RBFOX1: variants seen among roughly 807,000 people sequenced by gnomAD.
The protein encoded by RBFOX1 is RNA binding fox-1 homolog 1.
In RBFOX1, 8 loss-of-function variants were observed where a neutral mutation model predicts 57.7. The observed-to-expected ratio is 0.14, with a 90% CI of 0.08 to 0.25. The LOEUF is 0.25. RBFOX1 is among the 10% of genes least tolerant of loss of function. RBFOX1 has a pLI of 1.00. For missense variants in RBFOX1, 611 were observed against 548.5 expected (o/e 1.11, Z -1.14); for synonymous variants, 326 against 222.4 (o/e 1.47, Z -4.15).
intron 1 of RBFOX1, among the ~76,000 whole-genome samples, chr16:6,113,566 G>A (rs533497299): frequency 3.9e-5 from 6 of 152,292 alleles, no homozygotes; most frequent in Admixed American, 6.5e-5. Context: ...TTGAAGCAAA[G>A]GCAGAAATTG....
intron 3 of RBFOX1, among the ~76,000 whole-genome samples, chr16:6,904,671 C>G (rs994967487): frequency 6.9e-6 from 1 of 144,398 alleles, no homozygotes; most frequent in Non-Finnish European, 1.5e-5. Context: ...TACCTGAGGA[C>G]TGTTTGGGGA....
intron 4 of RBFOX1, among the ~76,000 whole-genome samples, chr16:7,195,827 A>G (rs560979531): frequency 1.3e-5 from 2 of 152,208 alleles, no homozygotes; most frequent in African/African-American, 4.8e-5. Context: ...TGCTGGGGTT[A>G]CAGGCATGAA....
At chr16:6,812,921 G>A (rs936073647) in intron 3 of RBFOX1, among the ~76,000 whole-genome samples, 1 of 152,128 alleles carries the variant, frequency 6.6e-6, no homozygotes, top group Non-Finnish European at 1.5e-5. Context: ...AGAGGTCATT[G>A]CTGTCTTTCT....
chr16:6,909,719 G>C (rs1299029363), intron 3 of RBFOX1, among the ~76,000 whole-genome samples: 4 of 152,182 alleles, frequency 2.6e-5, no homozygotes, highest in Non-Finnish European at 4.4e-5. Flanking sequence ...AGTCGTGGCA[G>C]TCACAATGAC....
intron 9 of RBFOX1, among the ~76,000 whole-genome samples, chr16:7,600,598 GC>G (rs763571239): frequency 4.6e-5 from 7 of 152,138 alleles, no homozygotes; most frequent in African/African-American, 9.7e-5. Flanking sequence ...TTCTCACAAA[GC>G]ATAGAAATTG....
At chr16:7,419,157 C>T (rs910071122) in intron 4 of RBFOX1, among the ~76,000 whole-genome samples, 2 of 152,190 alleles carry the variant, frequency 1.3e-5, no homozygotes, top group African/African-American at 2.4e-5. Flanking sequence ...GTTCACCCAC[C>T]GTGGCCTCCC....
chr16:6,269,932 T>A (rs2152669459), intron 1 of RBFOX1, among the ~76,000 whole-genome samples: 1 of 152,064 alleles, frequency 6.6e-6, no homozygotes, highest in East Asian at 1.9e-4. Flanking sequence ...TTTAAGACAA[T>A]TATATTTTAA....
At chr16:5,897,360 G>A (rs991835325) in intron 4 of RBFOX1, among the ~76,000 whole-genome samples, 1 of 151,798 alleles carries the variant, frequency 6.6e-6, no homozygotes, top group Admixed American at 6.6e-5. Context: ...AACAGAAAAG[G>A]CATTCCACTC....
intron 3 of RBFOX1, among the ~76,000 whole-genome samples, chr16:6,805,427 A>T (rs535433256): frequency 1.3e-5 from 2 of 152,156 alleles, no homozygotes; most frequent in African/African-American, 4.8e-5. Flanking sequence ...GCAGAAAAAA[A>T]TAACTTGGGT....
At chr16:6,144,756 C>T (rs1056690521) in intron 1 of RBFOX1, among the ~76,000 whole-genome samples, 1 of 152,188 alleles carries the variant, frequency 6.6e-6, no homozygotes, top group Non-Finnish European at 1.5e-5. Flanking sequence ...GCACAGTCCT[C>T]TGAGCAATAG....
intron 3 of RBFOX1, among the ~76,000 whole-genome samples, chr16:6,943,985 A>G (rs1029323991): frequency 3.9e-5 from 6 of 152,104 alleles, no homozygotes; most frequent in Non-Finnish European, 8.8e-5. Flanking sequence ...CAACTCACGA[A>G]CTGTTCATTG....
rs192614661 is a variant in RBFOX1, at chr16:6,533,933, C to G, written c.-63-120670C>G. ...AAAAGACATTAAGAGAATGAAAAGT[C>G]AAGCTGCAAGGAGGAAATATAACAA... On this transcript the variant is annotated intron_variant, in intron 2 of 15. Transcript: ENST00000550418. Among the ~76,000 whole-genome samples the G allele has an allele frequency of 8.0e-4, 121 of 152,066 alleles. 1 individual carries two copies. In the Middle Eastern group the frequency reaches 0.017, roughly 21 times the overall value.
At chr16:6,146,268 A>C (rs1053354036) in intron 1 of RBFOX1, among the ~76,000 whole-genome samples, 4 of 152,178 alleles carry the variant, frequency 2.6e-5, no homozygotes, top group African/African-American at 7.2e-5. Flanking sequence ...ATAGGAATCC[A>C]CGCTTCTTTT....
At chr16:5,711,312 A>G (rs984907079) in intron 3 of RBFOX1, among the ~76,000 whole-genome samples, 2 of 152,224 alleles carry the variant, frequency 1.3e-5, no homozygotes, top group South Asian at 2.1e-4. Flanking sequence ...ATGGAGGCAC[A>G]GAGAGGTTAA....
chr16:6,926,650 C>A (rs1207882160), intron 3 of RBFOX1, among the ~76,000 whole-genome samples: 1 of 152,070 alleles, frequency 6.6e-6, no homozygotes, highest in Non-Finnish European at 1.5e-5. Context: ...CACAGCTTTG[C>A]GGGCTGAGTA....
intron 4 of RBFOX1, among the ~76,000 whole-genome samples, chr16:7,494,242 A>C (rs1403733273): frequency 6.6e-6 from 1 of 152,208 alleles, no homozygotes; most frequent in Middle Eastern, 3.2e-3. Flanking sequence ...TTGCTGAAGC[A>C]CAGGCAAGCA....
chr16:7,102,488 A>G (rs1421327043), intron 4 of RBFOX1, among the ~76,000 whole-genome samples: 1 of 152,198 alleles, frequency 6.6e-6, no homozygotes, highest in Non-Finnish European at 1.5e-5. Context: ...GAGATTTAAT[A>G]GAGACCAAAG....
intron 4 of RBFOX1, among the ~76,000 whole-genome samples, chr16:7,061,321 C>T (rs1246124093): frequency 6.6e-6 from 1 of 152,138 alleles, no homozygotes; most frequent in East Asian, 1.9e-4. Flanking sequence ...CTTGTATGTT[C>T]TCCAGTCTTT....
At chr16:5,242,055 A>T (rs961753180) in intron 1 of RBFOX1, among the ~76,000 whole-genome samples, 3 of 152,104 alleles carry the variant, frequency 2.0e-5, no homozygotes, top group African/African-American at 7.2e-5. Context: ...GTCCAGCTGC[A>T]GTGAGCTGTC....
Sources: gnomAD v4.1 joint callset for allele counts (sites outside exome capture counted in the v4.1 genomes callset) on GRCh38, gnomAD v4.1.1 for gene constraint, MANE v1.5 for transcripts, NCBI Gene and HGNC (gene_info 2026-07-23, HGNC 2026-07-21) for gene names.